LSAMP: variants seen among roughly 807,000 people sequenced by gnomAD.
The protein encoded by LSAMP is limbic system associated membrane protein, also known as limbic system-associated membrane protein.
A neutral mutation model predicts 38.6 loss-of-function variants in LSAMP; 7 were observed. The observed-to-expected ratio is 0.18, with a 90% CI of 0.10 to 0.34. The LOEUF is 0.34. Among genes scored for constraint, LSAMP ranks in the 10% least tolerant of loss-of-function variants. The pLI, the probability that LSAMP is intolerant of heterozygous loss-of-function variation, is 1.00. For missense variants in LSAMP, 313 were observed against 420.0 expected (o/e 0.75, Z 2.23); for synonymous variants, 154 against 166.8 (o/e 0.92, Z 0.59).
intron 1 of LSAMP, among the ~76,000 whole-genome samples, chr3:116,429,615 T>C (rs2049252584): frequency 6.6e-6 from 1 of 152,068 alleles, no homozygotes; most frequent in Admixed American, 6.5e-5. Flanking sequence ...CGCCACTACA[T>C]TCTACTGAGA....
Position 115,842,548 on chromosome 3 carries a change from T to C in LSAMP, c.680A>G (p.Asn227Ser), listed in dbSNP as rs920146474. Residue 227 changes from asparagine (N) to serine (S), a missense_variant, in exon 5 of 7, where the codon AAT (asparagine) becomes AGT (serine). Transcript: ENST00000490035. Reference sequence around the variant, plus strand: ...AGCTTGTCGTCCTGTGGTGGCTTCATTGCTCTTGGATTCTGTGATAGTGGG... The same window carrying C: ...AGCTTGTCGTCCTGTGGTGGCTTCACTGCTCTTGGATTCTGTGATAGTGGG... ...YPPTITESKSNEATTGRQASL... is the reference protein window; with the variant it reads ...YPPTITESKSSEATTGRQASL... The C allele has an allele frequency of 1.5e-5, 24 of 1,613,666 alleles. No homozygotes were observed. Among genetic ancestry groups the C allele is most frequent in the Non-Finnish European group, 1.9e-5 (23 of 1,179,794 alleles).
intron 2 of LSAMP, among the ~76,000 whole-genome samples, chr3:116,042,872 T>A (rs1381890896): frequency 6.6e-6 from 1 of 152,282 alleles, no homozygotes; most frequent in Non-Finnish European, 1.5e-5. Context: ...TCAGTCAGAG[T>A]TGTATAAACA....
chr3:115,900,512 CAA>C (rs5851983), intron 3 of LSAMP, among the ~76,000 whole-genome samples: 1,816 of 74,284 alleles, frequency 0.024, 23 homozygotes, highest in African/African-American at 0.073. Flanking sequence ...TGAGACTGTC[CAA>C]AAAAAAAAAA....
chr3:116,262,443 G>T (rs1344259705), intron 1 of LSAMP, among the ~76,000 whole-genome samples: 8 of 152,110 alleles, frequency 5.3e-5, no homozygotes, highest in African/African-American at 1.7e-4. Flanking sequence ...CCATATTGAG[G>T]TCTTAAATCC....
Position 116,233,412 on chromosome 3 carries a change from C to CAAAAA in LSAMP, c.156-146861_156-146857dup, listed in dbSNP as rs3028677. Among the ~76,000 whole-genome samples, 134 of 69,904 alleles carry CAAAAA rather than the reference C, an allele frequency of 1.9e-3. 5 individuals carry two copies. Among genetic ancestry groups the CAAAAA allele is most frequent in the Non-Finnish European group, 2.5e-3 (105 of 41,434 alleles). The allele number at this position is 69,904 out of a possible 152,430, so 45.9% of individuals were successfully genotyped here. On this transcript the variant is annotated intron_variant, in intron 1 of 6. Coordinates refer to ENST00000490035, the MANE Select transcript of LSAMP (RefSeq NM_002338.5). ...TGGGCGACAGAGCGAGACTCTGTCT[C>CAAAAA]AAAAAAAAAAAAAAAAAAAAAAGAT...
At chr3:116,021,029 C>A (rs1441505406) in intron 2 of LSAMP, among the ~76,000 whole-genome samples, 1 of 152,098 alleles carries the variant, frequency 6.6e-6, no homozygotes, top group Non-Finnish European at 1.5e-5. Context: ...GGTACTTGGG[C>A]AACTGACTGG....
At chr3:115,900,486 A>C (rs1386623248) in intron 3 of LSAMP, among the ~76,000 whole-genome samples, 1 of 148,450 alleles carries the variant, frequency 6.7e-6, no homozygotes, top group Non-Finnish European at 1.5e-5. Context: ...ACTGCACTCC[A>C]ACCTGGGCAA....
intron 1 of LSAMP, among the ~76,000 whole-genome samples, chr3:116,227,576 C>T (rs917473964): frequency 1.3e-5 from 2 of 152,082 alleles, no homozygotes; most frequent in African/African-American, 4.8e-5. Context: ...CCTATTTTTT[C>T]TCTCAGAATA....
At chr3:115,947,461 A>G (rs1938137205) in intron 3 of LSAMP, among the ~76,000 whole-genome samples, 1 of 152,170 alleles carries the variant, frequency 6.6e-6, no homozygotes, top group Non-Finnish European at 1.5e-5. Context: ...CATTCATATT[A>G]AAATAAAAAG....
intron 2 of LSAMP, among the ~76,000 whole-genome samples, chr3:116,068,698 A>C (rs1276229453): frequency 6.6e-6 from 1 of 152,226 alleles, no homozygotes; most frequent in Admixed American, 6.5e-5. Context: ...ATTTTCATCA[A>C]CTATCTCAAC....
chr3:116,163,435 A>G (rs1576403232), intron 1 of LSAMP, among the ~76,000 whole-genome samples: 2 of 151,572 alleles, frequency 1.3e-5, no homozygotes, highest in Admixed American at 6.6e-5. Flanking sequence ...ATAGTATTCC[A>G]TGGTGTATAT....
intron 1 of LSAMP, among the ~76,000 whole-genome samples, chr3:116,348,151 C>T (rs564520043): frequency 5.1e-4 from 77 of 152,008 alleles, no homozygotes; most frequent in Non-Finnish European, 9.0e-4. Flanking sequence ...AAATTATTCA[C>T]GATAGGTTGG....
At chr3:115,912,424 C>A (rs183249124) in intron 3 of LSAMP, among the ~76,000 whole-genome samples, 374 of 152,282 alleles carry the variant, frequency 2.5e-3, no homozygotes, top group African/African-American at 8.6e-3. Context: ...AGGAGGGACC[C>A]CTTGTTACTC....
chr3:116,385,041 C>T (rs1177093682), intron 1 of LSAMP, among the ~76,000 whole-genome samples: 1 of 151,704 alleles, frequency 6.6e-6, no homozygotes, highest in African/African-American at 2.4e-5. Context: ...TACTGAGCTT[C>T]ACTCAGTCAC....
chr3:116,317,156 TTC>T (rs1455388087), intron 1 of LSAMP, among the ~76,000 whole-genome samples: 1 of 152,118 alleles, frequency 6.6e-6, no homozygotes, highest in Non-Finnish European at 1.5e-5. Context: ...TCGAGTCCCC[TTC>T]CACGCTGTGG....
At chr3:116,275,539 T>C (rs921852463) in intron 1 of LSAMP, among the ~76,000 whole-genome samples, 8 of 84,926 alleles carry the variant, frequency 9.4e-5, no homozygotes, top group African/African-American at 1.3e-4. Context: ...ATGACAACAA[T>C]AGAAAAAAAT....
intron 1 of LSAMP, among the ~76,000 whole-genome samples, chr3:116,172,599 G>T (rs1470949300): frequency 6.6e-6 from 1 of 152,014 alleles, no homozygotes; most frequent in East Asian, 1.9e-4. Context: ...AAAGATGGTA[G>T]CAATGTTGTT....
intron 2 of LSAMP, among the ~76,000 whole-genome samples, chr3:116,085,727 T>C (rs1707974476): frequency 6.6e-6 from 1 of 152,186 alleles, no homozygotes; most frequent in Admixed American, 6.5e-5. Context: ...GATCCCCCAA[T>C]CTAGAAGCAA....
At chr3:115,885,784 T>C (rs1297512890) in intron 3 of LSAMP, among the ~76,000 whole-genome samples, 2 of 151,826 alleles carry the variant, frequency 1.3e-5, no homozygotes, top group Non-Finnish European at 2.9e-5. Flanking sequence ...TCATGCAGGC[T>C]AATGCTACCA....
Sources: gnomAD v4.1 joint callset for allele counts (sites outside exome capture counted in the v4.1 genomes callset) on GRCh38, gnomAD v4.1.1 for gene constraint, MANE v1.5 for transcripts, NCBI Gene and HGNC (gene_info 2026-07-23, HGNC 2026-07-21) for gene names.